The following ZNF280D variants were observed in gnomAD, a reference collection of about 807,000 sequenced individuals.
The protein encoded by ZNF280D is zinc finger protein 280D.
A neutral mutation model predicts 94.7 loss-of-function variants in ZNF280D; 39 were observed. That is an observed-to-expected ratio of 0.41 (90% CI 0.32 to 0.54). ZNF280D has a LOEUF of 0.54. ZNF280D is among the 20% of genes least tolerant of loss of function. ZNF280D has a pLI of 0.22. For missense variants in ZNF280D, 1,090 were observed against 1,149.3 expected (o/e 0.95, Z 0.75); for synonymous variants, 398 against 377.6 (o/e 1.05, Z -0.63).
intron 19 of ZNF280D, 49 bp from the exon 20 acceptor site, chr15:56,643,046 T>TA: frequency 8.1e-7 from 1 of 1,240,946 alleles, no homozygotes; most frequent in South Asian, 1.7e-5. Flanking sequence ...TGTACGATGG[T>TA]AAAATATGAA....
At chr15:56,678,007 CTT>C (rs1198357496) in intron 11 of ZNF280D, among the ~76,000 whole-genome samples, 49 of 137,074 alleles carry the variant, frequency 3.6e-4, no homozygotes, top group Admixed American at 3.7e-4. Context: ...AATTTTCTTT[CTT>C]TTTTTTTTTT....
chr15:56,682,484 G>GTTA lies in ZNF280D; in HGVS notation c.781-8_781-7insTAA. 2.5e-6 allele frequency: 1 copy of GTTA among 400,680 alleles called. No individual in the cohort carries two copies. The highest frequency in any genetic ancestry group is 3.6e-6 in the Non-Finnish European group (1 of 279,268). The allele number at this position is 400,680 out of a possible 1,614,324, so 24.8% of individuals were successfully genotyped here. A position where few individuals can be genotyped will look rare whatever the true frequency, so the allele number is the denominator to read the frequency against. ...TCATGTCTGGACAACAATACTGAAA[G>GTTA]AGAAAAAAAAAAAAAAAAAACAAGC... On this transcript the variant is annotated splice_region_variant and splice_polypyrimidine_tract_variant and intron_variant, in intron 9 of 21. Coordinates refer to ENST00000267807, the MANE Select transcript of ZNF280D (RefSeq NM_017661.4).
intron 13 of ZNF280D, among the ~76,000 whole-genome samples, chr15:56,671,574 T>C (rs1434165631): frequency 6.6e-6 from 1 of 152,194 alleles, no homozygotes; most frequent in African/African-American, 2.4e-5. Flanking sequence ...TTTTGGTTAC[T>C]ATAGCCCTGT....
intron 19 of ZNF280D, chr15:56,653,481 C>G (rs1031429883): frequency 2.7e-6 from 4 of 1,508,078 alleles, no homozygotes; most frequent in African/African-American, 1.4e-5. Flanking sequence ...GCAGGTCCCA[C>G]AGTCAAATTA....
At chr15:56,727,499 GCTA>G (rs1339478568) in intron 1 of ZNF280D, among the ~76,000 whole-genome samples, 1 of 152,140 alleles carries the variant, frequency 6.6e-6, no homozygotes, top group Admixed American at 6.6e-5. Flanking sequence ...TTAATGCCCT[GCTA>G]CTACTAGGCA....
At position 56,707,284 on chromosome 15, in the gene ZNF280D, G is replaced by C. The variant is rs1339689793; in HGVS notation, c.-63C>G. On this transcript the variant is annotated 5_prime_UTR_variant, in exon 2 of 22. Coordinates refer to ENST00000267807, the MANE Select transcript of ZNF280D (RefSeq NM_017661.4). Reference sequence around the variant, plus strand: ...TCACCATGTGACTCCAGACAAGCCAGCAAGTTATTTCTGTTTTCCTTCCTA... The same window carrying C: ...TCACCATGTGACTCCAGACAAGCCACCAAGTTATTTCTGTTTTCCTTCCTA... 2 of 1,534,926 alleles carry C rather than the reference G, an allele frequency of 1.3e-6. No individual in the cohort carries two copies. Among genetic ancestry groups the C allele is most frequent in the Non-Finnish European group, 1.7e-6 (2 of 1,144,310 alleles).
chr15:56,646,233 G>A (rs2052884562), intron 19 of ZNF280D, among the ~76,000 whole-genome samples: 1 of 152,054 alleles, frequency 6.6e-6, no homozygotes, highest in African/African-American at 2.4e-5. Context: ...AGACCAGCCT[G>A]GGCAACATAG....
intron 1 of ZNF280D, among the ~76,000 whole-genome samples, chr15:56,714,766 A>T (rs1387565184): frequency 6.6e-6 from 1 of 152,228 alleles, no homozygotes; most frequent in East Asian, 1.9e-4. Flanking sequence ...CCTTGAAGCC[A>T]AAACAATTCT....
chr15:56,691,203 T>G (rs1291623601), intron 7 of ZNF280D, among the ~76,000 whole-genome samples: 1 of 152,302 alleles, frequency 6.6e-6, no homozygotes, highest in East Asian at 1.9e-4. Context: ...TGTCAGCTTT[T>G]TAATAAGGGC....
chr15:56,698,457 T>C (rs540064493), intron 6 of ZNF280D: 1 of 152,318 alleles, frequency 6.6e-6, no homozygotes, highest in African/African-American at 2.4e-5. Flanking sequence ...TATCAATTAT[T>C]TTTGCTGAAG....
chr15:56,684,463 A>C (rs1431693185), intron 9 of ZNF280D, among the ~76,000 whole-genome samples: 1 of 152,208 alleles, frequency 6.6e-6, no homozygotes, highest in Admixed American at 6.5e-5. Flanking sequence ...CCACAAAGCA[A>C]GAAAAGATGC....
At chr15:56,687,199 C>G (rs1435901733) in intron 9 of ZNF280D, among the ~76,000 whole-genome samples, 1 of 152,068 alleles carries the variant, frequency 6.6e-6, no homozygotes, top group Admixed American at 6.5e-5. Flanking sequence ...TTCATATTAT[C>G]TTCAACTTAG....
At chr15:56,648,119 CCT>C (rs776365749) in intron 19 of ZNF280D, among the ~76,000 whole-genome samples, 8 of 152,062 alleles carry the variant, frequency 5.3e-5, no homozygotes, top group Non-Finnish European at 1.2e-4. Flanking sequence ...CAAGCCAATT[CCT>C]CTCCTGTGAA....
At chr15:56,687,226 A>G (rs79630288) in intron 9 of ZNF280D, among the ~76,000 whole-genome samples, 179 of 152,258 alleles carry the variant, frequency 1.2e-3, no homozygotes, top group African/African-American at 4.2e-3. Context: ...TGTAAGAAAT[A>G]CAATTTCTTA....
At chr15:56,688,884 T>C (rs1447713544) in intron 9 of ZNF280D, 157 bp downstream of exon 9, 4 of 449,452 alleles carry the variant, frequency 8.9e-6, no homozygotes, top group Non-Finnish European at 1.6e-5. Flanking sequence ...TAGAAGGAAT[T>C]TGAGAATCTA....
intron 9 of ZNF280D, among the ~76,000 whole-genome samples, chr15:56,688,489 C>CAAAAAAA (rs55861049): frequency 1.3e-5 from 1 of 76,680 alleles, no homozygotes; most frequent in African/African-American, 5.2e-5. Context: ...GACTCCGTCT[C>CAAAAAAA]AAAAAAAAAA....
chr15:56,652,531 TTTAGATCTATATTCAATGTAACTAAAA>T, intron 19 of ZNF280D: 1 of 639,062 alleles, frequency 1.6e-6, no homozygotes, highest in Non-Finnish European at 1.9e-6. Flanking sequence ...GTATAAAAAG[TTTAGATCTATATTCAATGTAACTAAAA>T]TAAACACATG....
intron 16 of ZNF280D, 33 bp downstream of exon 16, chr15:56,666,362 T>C: frequency 6.3e-7 from 1 of 1,593,912 alleles, no homozygotes; most frequent in Non-Finnish European, 8.5e-7. Flanking sequence ...ACTATAATTT[T>C]AATTGGCAAT....
intron 1 of ZNF280D, among the ~76,000 whole-genome samples, chr15:56,713,950 AC>A (rs1474755296): frequency 2.0e-5 from 3 of 152,180 alleles, no homozygotes; most frequent in African/African-American, 7.2e-5. Context: ...TAAGCGATAA[AC>A]AATAATATAA....
Sources: allele counts gnomAD v4.1 joint callset (sites outside exome capture counted in the v4.1 genomes callset), GRCh38; gene constraint gnomAD v4.1.1; transcripts MANE v1.5; gene names NCBI Gene and HGNC (gene_info 2026-07-23, HGNC 2026-07-21).